The following NOL4 variants were observed in gnomAD, a reference collection of about 807,000 sequenced individuals.
NOL4 encodes nucleolar protein 4, also known as cancer/testis antigen 125.
NOL4 carries 17 observed loss-of-function variants against 75.9 expected under a neutral mutation model. The observed-to-expected ratio is 0.22, with a 90% confidence interval of 0.15 to 0.34. The LOEUF (loss-of-function observed/expected upper bound fraction) is 0.34. Among genes scored for constraint, NOL4 ranks in the 10% least tolerant of loss-of-function variants. The pLI is 1.00. For synonymous variants in NOL4, 292 were observed against 289.9 expected (o/e 1.01, Z -0.07); for missense variants, 614 against 793.5 (o/e 0.77, Z 2.72).
intron 9 of NOL4, among the ~76,000 whole-genome samples, chr18:33,885,879 G>C (rs2064609565): frequency 1.3e-5 from 2 of 152,228 alleles, no homozygotes; most frequent in East Asian, 3.9e-4. Flanking sequence ...TCCTATGTTT[G>C]TTGCAACACT....
intron 1 of NOL4, among the ~76,000 whole-genome samples, chr18:34,202,709 T>C (rs2035821408): frequency 6.6e-6 from 1 of 152,012 alleles, no homozygotes; most frequent in Non-Finnish European, 1.5e-5. Context: ...GTGACAGTTA[T>C]CTTCAAATCC....
chr18:34,020,070 A>T (rs1028667541), intron 5 of NOL4, among the ~76,000 whole-genome samples: 2 of 152,024 alleles, frequency 1.3e-5, no homozygotes, highest in African/African-American at 4.8e-5. Flanking sequence ...AGAAGCCCTC[A>T]CCAGGAGTAG....
intron 9 of NOL4, among the ~76,000 whole-genome samples, chr18:33,887,068 A>T (rs993282980): frequency 1.4e-5 from 2 of 139,476 alleles, no homozygotes; most frequent in African/African-American, 5.3e-5. Flanking sequence ...TCTATATATA[A>T]TATATATATC....
At chr18:33,880,205 T>TGCTATTGACC (rs1567996752) in intron 10 of NOL4, among the ~76,000 whole-genome samples, 1 of 152,072 alleles carries the variant, frequency 6.6e-6, no homozygotes, top group Non-Finnish European at 1.5e-5. Context: ...ATAGAAGACC[T>TGCTATTGACC]TTATATATTG....
At position 33,898,067 on chromosome 18, in the gene NOL4, C is replaced by A. The variant is rs376274475; in HGVS notation, c.1543-14643G>T. On this transcript the variant is annotated intron_variant, in intron 9 of 10. Coordinates refer to ENST00000261592, the MANE Select transcript of NOL4 (RefSeq NM_003787.5). ...GGATCACAGGTGGGCATCACCATAC[C>A]CAGACAATATATATTTTTTAATTTT... is the stretch of plus-strand genomic sequence containing the variant. Among the ~76,000 whole-genome samples the A allele has an allele frequency of 1.3e-3, 197 of 152,070 alleles. 3 individuals are homozygous for A. Among genetic ancestry groups the A allele is most frequent in the African/African-American group, 4.6e-3 (189 of 41,492 alleles).
At chr18:33,957,280 T>G in intron 8 of NOL4, 46 bp downstream of exon 8, 1 of 1,411,744 alleles carries the variant, frequency 7.1e-7, no homozygotes, top group Non-Finnish European at 9.5e-7. Context: ...GGTTTACATG[T>G]GGGATTTTGA....
intron 5 of NOL4, among the ~76,000 whole-genome samples, chr18:34,030,290 A>T (rs940995504): frequency 4.6e-5 from 7 of 152,236 alleles, no homozygotes; most frequent in African/African-American, 1.7e-4. Flanking sequence ...TAGGTTAAAT[A>T]TTCAAAGAAT....
intron 10 of NOL4, among the ~76,000 whole-genome samples, chr18:33,877,464 C>G (rs1201233309): frequency 6.9e-6 from 1 of 145,288 alleles, no homozygotes; most frequent in African/African-American, 2.6e-5. Flanking sequence ...AAAAAAGAGC[C>G]AAGGCATGAA....
intron 1 of NOL4, among the ~76,000 whole-genome samples, chr18:34,139,070 T>A: frequency 6.6e-6 from 1 of 152,340 alleles, no homozygotes; most frequent in South Asian, 2.1e-4. Context: ...GCTGCTGGAT[T>A]TGAATTGCCA....
At chr18:34,102,044 C>G (rs982099137) in intron 4 of NOL4, among the ~76,000 whole-genome samples, 1 of 151,726 alleles carries the variant, frequency 6.6e-6, no homozygotes, top group Non-Finnish European at 1.5e-5. Flanking sequence ...GAAGTTTTCA[C>G]TATATCCCTC....
chr18:34,031,796 G>A (rs2075651879), intron 5 of NOL4, among the ~76,000 whole-genome samples: 1 of 152,158 alleles, frequency 6.6e-6, no homozygotes, highest in Non-Finnish European at 1.5e-5. Context: ...ACCCTCAACA[G>A]TCCACATTTC....
At chr18:33,873,722 T>C (rs2063802556) in intron 10 of NOL4, among the ~76,000 whole-genome samples, 2 of 152,042 alleles carry the variant, frequency 1.3e-5, no homozygotes, top group African/African-American at 2.4e-5. Flanking sequence ...TGAACACTCA[T>C]ATAAGGTAGT....
chr18:34,016,880 A>G (rs976862783), intron 6 of NOL4, among the ~76,000 whole-genome samples: 1 of 152,086 alleles, frequency 6.6e-6, no homozygotes, highest in Non-Finnish European at 1.5e-5. Context: ...GGAATCCTTT[A>G]GTAAATATTT....
chr18:33,900,487 C>T (rs897147923), intron 9 of NOL4, among the ~76,000 whole-genome samples: 10 of 152,070 alleles, frequency 6.6e-5, no homozygotes, highest in African/African-American at 1.9e-4. Context: ...AAGCTACTGG[C>T]GTTGAGATAA....
chr18:33,900,301 C>T (rs905285182), intron 9 of NOL4, among the ~76,000 whole-genome samples: 1 of 152,030 alleles, frequency 6.6e-6, no homozygotes, highest in East Asian at 1.9e-4. Flanking sequence ...ACTGTGAGGA[C>T]AGCACTAAGC....
chr18:34,071,905 G>A (rs534673001), intron 5 of NOL4, among the ~76,000 whole-genome samples: 1 of 152,170 alleles, frequency 6.6e-6, no homozygotes, highest in East Asian at 1.9e-4. Flanking sequence ...AACCTACAGA[G>A]CTATATCTTA....
intron 9 of NOL4, among the ~76,000 whole-genome samples, chr18:33,902,305 T>C (rs2065791186): frequency 6.6e-6 from 1 of 152,106 alleles, no homozygotes; most frequent in South Asian, 2.1e-4. Flanking sequence ...TTTGAAAACT[T>C]TTCAGATTCA....
intron 9 of NOL4, among the ~76,000 whole-genome samples, chr18:33,904,453 G>C (rs1296110426): frequency 6.6e-6 from 1 of 151,948 alleles, no homozygotes; most frequent in East Asian, 1.9e-4. Context: ...AGGGATGGGA[G>C]GTCAGATATG....
chr18:34,139,935 T>C (rs1369561181), intron 1 of NOL4, among the ~76,000 whole-genome samples: 1 of 152,202 alleles, frequency 6.6e-6, no homozygotes, highest in Non-Finnish European at 1.5e-5. Flanking sequence ...TTTTGTTATG[T>C]ACCCAGTAGT....
Sources: allele counts gnomAD v4.1 joint callset (sites outside exome capture counted in the v4.1 genomes callset), GRCh38; gene constraint gnomAD v4.1.1; transcripts MANE v1.5; gene names NCBI Gene and HGNC (gene_info 2026-07-23, HGNC 2026-07-21).